Variants in KLHL25 observed in about 807,000 individuals in gnomAD.
KLHL25 encodes kelch like family member 25.
In KLHL25, 41 loss-of-function variants were observed where a neutral mutation model predicts 30.0. That is an observed-to-expected ratio of 1.37 (90% CI 1.07 to 1.78). KLHL25 has a LOEUF of 1.78. Ranked by LOEUF, KLHL25 falls within the 40% of genes most tolerant of loss-of-function variation. The pLI is 0.00. For synonymous variants in KLHL25, 399 were observed against 355.3 expected, an observed-to-expected ratio of 1.12 and a Z score of -1.38; for missense variants, 971 against 824.5, an observed-to-expected ratio of 1.18 and a Z score of -2.18.
chr15:85,792,903 C>G (rs1443265107), intron 1 of KLHL25, among the ~76,000 whole-genome samples: 3 of 152,218 alleles, frequency 2.0e-5, no homozygotes, highest in Admixed American at 6.5e-5. Flanking sequence ...TGTGCCAGCA[C>G]TCCCTCATCT....
At chr15:85,772,314 T>C (rs919853375) in intron 1 of KLHL25, among the ~76,000 whole-genome samples, 2 of 152,062 alleles carry the variant, frequency 1.3e-5, no homozygotes, top group African/African-American at 4.8e-5. Flanking sequence ...TTCAGTTCCA[T>C]TGTCAACACA....
chr15:85,786,082 G>A (rs908007682), intron 1 of KLHL25, among the ~76,000 whole-genome samples: 4 of 150,814 alleles, frequency 2.7e-5, no homozygotes, highest in African/African-American at 9.8e-5. Flanking sequence ...CGCAAAAACT[G>A]CTTTCAGCGA....
At chr15:85,767,657 AAAGT>A (rs544783240) in intron 2 of KLHL25, among the ~76,000 whole-genome samples, 60 of 152,292 alleles carry the variant, frequency 3.9e-4, no homozygotes, top group South Asian at 1.2e-3. Flanking sequence ...CCTGGTGTCA[AAAGT>A]AAGAGCAGGC....
intron 1 of KLHL25, among the ~76,000 whole-genome samples, chr15:85,780,846 C>A (rs1156842042): frequency 6.6e-6 from 1 of 152,212 alleles, no homozygotes; most frequent in Non-Finnish European, 1.5e-5. Flanking sequence ...AATGCATGTG[C>A]CCTCTGCCCC....
intron 1 of KLHL25, chr15:85,771,201 G>GA (rs55642980): frequency 0.28 from 32,614 of 117,778 alleles, 4,443 homozygotes; most frequent in Middle Eastern, 0.42. Flanking sequence ...AATTAAGCCT[G>GA]AAAAAAAAAA....
Position 85,776,752 on chromosome 15 carries a change from T to C in KLHL25, c.-10-6932A>G, listed in dbSNP as rs368696055. On this transcript the variant is annotated intron_variant, in intron 1 of 2. Coordinates refer to ENST00000337975, the MANE Select transcript of KLHL25 (RefSeq NM_022480.4). ...CATCCTGGCTAACACAGTGAAACCC[T>C]GCCTCTACTAAAAATACAAAAAATT... 2.0e-4 allele frequency among the ~76,000 whole-genome samples: 30 copies of C among 151,664 alleles called. No individual in the cohort carries two copies. In the East Asian group the frequency reaches 5.3e-3, roughly 27 times the overall value.
intron 1 of KLHL25, among the ~76,000 whole-genome samples, chr15:85,776,959 A>G (rs1597277658): frequency 6.6e-6 from 1 of 152,090 alleles, no homozygotes; most frequent in South Asian, 2.1e-4. Context: ...TAAATAACAG[A>G]TCTGACACTT....
intron 2 of KLHL25, 24 bp downstream of exon 2, chr15:85,767,993 G>A (rs373741157): frequency 1.8e-5 from 27 of 1,481,708 alleles, no homozygotes; most frequent in Non-Finnish European, 2.5e-5. Flanking sequence ...GACCCAGAGT[G>A]GCCGTGGGCT....
intron 2 of KLHL25, chr15:85,764,495 G>A (rs545458437): frequency 6.6e-6 from 1 of 152,456 alleles, no homozygotes; most frequent in East Asian, 1.9e-4. Context: ...TTGGGGACAT[G>A]GCTCTGGGAT....
rs2946364 is a variant in KLHL25, at chr15:85,789,410, T to G, written c.-11+5356A>C. On this transcript the variant is annotated intron_variant, in intron 1 of 2. Coordinates refer to ENST00000337975, the MANE Select transcript of KLHL25 (RefSeq NM_022480.4). This position sits in a 1 kb window ranked among gnomAD's most constrained non-coding sequence, Gnocchi z 4.1. ...CCCTTTTTTTTTTTTTGACAGAATT[T>G]TACTCTGTTGCCCAGGCTGCAGTGC... Among the ~76,000 whole-genome samples the G allele has an allele frequency of 0.31, 46,526 of 151,218 alleles. 7,582 individuals carry two copies. The highest frequency in any genetic ancestry group is 0.44 in the South Asian group (2,123 of 4,786).
At chr15:85,790,261 T>C (rs1207525306) in intron 1 of KLHL25, among the ~76,000 whole-genome samples, 1 of 152,216 alleles carries the variant, frequency 6.6e-6, no homozygotes, top group Non-Finnish European at 1.5e-5. Context: ...GCTAATTTCG[T>C]ATTTTTAGTA....
chr15:85,760,437 G>C lies in KLHL25; in HGVS notation c.*599C>G, dbSNP rs1278545008. 6.6e-6 allele frequency: 1 copy of C among 152,236 alleles called. No individual in the cohort carries two copies. Among genetic ancestry groups the C allele is most frequent in the Non-Finnish European group, 1.5e-5 (1 of 68,066 alleles). 9.4% of individuals were successfully genotyped at this position (152,236 alleles called of 1,614,324 possible). A position where few individuals can be genotyped will look rare whatever the true frequency, so the allele number is the denominator to read the frequency against. Reference sequence around the variant, plus strand: ...TTGTGGAAGGGGCCCACAAACCTTGGAGGTCTGGGTGTCCTTTGCTAATAA... The same window carrying C: ...TTGTGGAAGGGGCCCACAAACCTTGCAGGTCTGGGTGTCCTTTGCTAATAA... On this transcript the variant is annotated 3_prime_UTR_variant, in exon 3 of 3. Coordinates refer to ENST00000337975, the MANE Select transcript of KLHL25 (RefSeq NM_022480.4).
At position 85,782,780 on chromosome 15, in the gene KLHL25, GC is replaced by G. The variant is rs2089752598; in HGVS notation, c.-11+11985del. On this transcript the variant is annotated intron_variant, in intron 1 of 2. Transcript: ENST00000337975. ...TGTCTCCTAGAATGAACGTTCTTCT[GC>G]CCTCTGTGCCTTTGCTGCAGCACGG... is the stretch of plus-strand genomic sequence containing the variant. 3.9e-5 allele frequency among the ~76,000 whole-genome samples: 6 copies of G among 152,258 alleles called. No homozygotes were observed. The South Asian group carries it at 1.2e-3, about 32-fold the overall frequency.
chr15:85,769,056 C>CTGGAGA lies in KLHL25; in HGVS notation c.749_754dup (p.Ser251_Ser252insIleSer). 1 of 1,607,034 alleles carries CTGGAGA rather than the reference C, an allele frequency of 6.2e-7. No individual in the cohort carries two copies. Among genetic ancestry groups the CTGGAGA allele is most frequent in the Non-Finnish European group, 8.5e-7 (1 of 1,176,086 alleles). ...CTCGTCTGCCATGAGGAGGGCCTCG[C>CTGGAGA]TGGAGACGGCCTCCTGCAGGCAGTC... On this transcript the variant is annotated inframe_insertion, in exon 2 of 3. Transcript: ENST00000337975.
intron 1 of KLHL25, among the ~76,000 whole-genome samples, chr15:85,794,232 G>T (rs761349640): frequency 6.6e-6 from 1 of 152,174 alleles, no homozygotes; most frequent in Non-Finnish European, 1.5e-5. Flanking sequence ...CGAAACGAGG[G>T]ACCCTGGCAG....
chr15:85,778,875 C>A (rs934344147), intron 1 of KLHL25, among the ~76,000 whole-genome samples: 2 of 152,126 alleles, frequency 1.3e-5, no homozygotes, highest in East Asian at 1.9e-4. Flanking sequence ...AGCTCCCAGG[C>A]CCCATGGTAC....
intron 2 of KLHL25, among the ~76,000 whole-genome samples, chr15:85,767,390 A>G (rs748190759): frequency 5.3e-5 from 8 of 151,978 alleles, no homozygotes; most frequent in South Asian, 2.1e-4. Context: ...ATGAGCCACC[A>G]TGCCCGGGCC....
chr15:85,790,473 G>T (rs996534819), intron 1 of KLHL25, among the ~76,000 whole-genome samples: 1 of 152,204 alleles, frequency 6.6e-6, no homozygotes. Context: ...AGTAACTCGA[G>T]CCTTATAAAA....
Position 85,768,810 on chromosome 15 carries a change from C to A in KLHL25, c.1001G>T (p.Ser334Ile). The A allele has an allele frequency of 6.2e-7, 1 of 1,613,370 alleles. No individual in the cohort carries two copies. Among genetic ancestry groups the A allele is most frequent in the Non-Finnish European group, 8.5e-7 (1 of 1,180,050 alleles). The change falls in exon 2 of 3, where the codon AGC becomes ATC. Residue 334 changes from serine to isoleucine, a missense_variant. Transcript: ENST00000337975. ...GACCTTGCAGCCGATCGCTGAGGCG[C>A]TGAACTCCTTCCGGGGGCTGGGCAG... ...ADLPSPRKEF[S>I]ASAIGCKVYV...
Sources: allele counts gnomAD v4.1 joint callset (sites outside exome capture counted in the v4.1 genomes callset), GRCh38; gene constraint gnomAD v4.1.1; non-coding constraint Gnocchi (gnomAD v3.1); transcripts MANE v1.5; gene names NCBI Gene and HGNC (gene_info 2026-07-23, HGNC 2026-07-21).